Variants in BTBD1 observed in about 807,000 individuals in gnomAD.
BTBD1 encodes the protein BTB/POZ domain-containing protein 1.
BTBD1 carries 34 observed loss-of-function variants against 48.0 expected under a neutral mutation model. That is an observed-to-expected ratio of 0.71 (90% CI 0.54 to 0.94). BTBD1 has a LOEUF of 0.94. BTBD1 is among the 40% of genes least tolerant of loss of function. The probability of loss-of-function intolerance (pLI) is 0.00; values close to 1 mark genes in which losing one functional copy is unlikely to be tolerated. For synonymous variants in BTBD1, 261 were observed against 242.1 expected, an observed-to-expected ratio of 1.08 and a Z score of -0.72; for missense variants, 543 against 625.6, an observed-to-expected ratio of 0.87 and a Z score of 1.41.
chr15:83,056,665 A>G (rs952131080), intron 1 of BTBD1, 120 bp from the exon 2 acceptor site: 110 of 807,386 alleles, frequency 1.4e-4, no homozygotes, highest in Non-Finnish European at 1.8e-4. Flanking sequence ...TCATCCATCC[A>G]TCCACCCACC....
intron 2 of BTBD1, among the ~76,000 whole-genome samples, chr15:83,055,258 C>T (rs185731612): frequency 4.6e-5 from 7 of 152,172 alleles, no homozygotes; most frequent in African/African-American, 1.4e-4. Flanking sequence ...ACTTAGAATA[C>T]GTGTACTTTC....
intron 1 of BTBD1, among the ~76,000 whole-genome samples, chr15:83,058,807 T>C (rs1355247871): frequency 1.3e-5 from 2 of 152,150 alleles, no homozygotes; most frequent in Non-Finnish European, 2.9e-5. Flanking sequence ...GCCGCAAACC[T>C]ATACATGGTT....
intron 1 of BTBD1, among the ~76,000 whole-genome samples, chr15:83,058,062 G>C (rs942469814): frequency 2.6e-4 from 40 of 152,370 alleles, no homozygotes; most frequent in African/African-American, 9.4e-4. Flanking sequence ...CCTGTCCATT[G>C]TCATGGACAG....
chr15:83,062,637 TAATA>T (rs1317049775), intron 1 of BTBD1, among the ~76,000 whole-genome samples: 1 of 152,170 alleles, frequency 6.6e-6, no homozygotes, highest in African/African-American at 2.4e-5. Flanking sequence ...ATATTTTCAT[TAATA>T]ACATGTCCAT....
At chr15:83,025,911 A>G (rs1203629079) in intron 5 of BTBD1, among the ~76,000 whole-genome samples, 3 of 152,044 alleles carry the variant, frequency 2.0e-5, no homozygotes, top group African/African-American at 7.2e-5. Flanking sequence ...CTGGGACTAC[A>G]GGTGCCCACC....
In BTBD1 at chr15:83,055,141, A is replaced by G. The variant is rs143946385; in HGVS notation, c.558+1248T>C. 2.9e-3 allele frequency among the ~76,000 whole-genome samples: 439 copies of G among 152,376 alleles called. 2 individuals carry two copies. The highest frequency in any genetic ancestry group is 9.7e-3 in the African/African-American group (402 of 41,574). ...GAAAAAAACTGTTGATATACAAAGT[A>G]TAAAGCTCAGATTACACACATATAA... is the stretch of plus-strand genomic sequence containing the variant. On this transcript the variant is annotated intron_variant, in intron 2 of 7. Coordinates refer to ENST00000261721, the MANE Select transcript of BTBD1 (RefSeq NM_025238.4).
At chr15:83,062,184 T>G in intron 1 of BTBD1, among the ~76,000 whole-genome samples, 1 of 152,016 alleles carries the variant, frequency 6.6e-6, no homozygotes, top group South Asian at 2.1e-4. Flanking sequence ...ATCCTGTAGG[T>G]AAAAAGAAGT....
Position 83,018,859 on chromosome 15 carries a change from A to G in BTBD1, c.1144-6T>C. The stretch of plus-strand genomic sequence containing the variant: ...TTTTTCTCATATTCAATGATCTGTA[A>G]TTTTTAAGAGACAAGTTACATTTAA... On this transcript the variant is annotated splice_polypyrimidine_tract_variant and splice_region_variant and intron_variant, in intron 6 of 7. Coordinates refer to ENST00000261721, the MANE Select transcript of BTBD1 (RefSeq NM_025238.4). 6.2e-7 allele frequency: 1 copy of G among 1,609,726 alleles called. No homozygotes were observed. The highest frequency in any genetic ancestry group is 8.5e-7 in the Non-Finnish European group (1 of 1,177,520).
chr15:83,058,328 C>T (rs936568599), intron 1 of BTBD1, among the ~76,000 whole-genome samples: 3 of 152,212 alleles, frequency 2.0e-5, no homozygotes, highest in South Asian at 4.1e-4. Flanking sequence ...TCCAACCTCT[C>T]TTTTTCTCTT....
intron 5 of BTBD1, among the ~76,000 whole-genome samples, chr15:83,023,925 T>C (rs2032351381): frequency 6.6e-6 from 1 of 152,210 alleles, no homozygotes; most frequent in Non-Finnish European, 1.5e-5. Flanking sequence ...TGGAGTGCAA[T>C]GGCACGATCT....
chr15:83,036,368 T>G (rs2032631022), intron 4 of BTBD1, among the ~76,000 whole-genome samples: 1 of 152,176 alleles, frequency 6.6e-6, no homozygotes, highest in African/African-American at 2.4e-5. Context: ...ATGAAATACG[T>G]CCTCACATCC....
chr15:83,066,373 C>A (rs2033270237), intron 1 of BTBD1, among the ~76,000 whole-genome samples: 1 of 152,140 alleles, frequency 6.6e-6, no homozygotes, highest in Non-Finnish European at 1.5e-5. Flanking sequence ...CTACTCTCTT[C>A]CCCCAAACAA....
intron 1 of BTBD1, among the ~76,000 whole-genome samples, chr15:83,062,186 A>G (rs1450958914): frequency 6.6e-6 from 1 of 152,208 alleles, no homozygotes; most frequent in Non-Finnish European, 1.5e-5. Context: ...CCTGTAGGTA[A>G]AAAGAAGTCA....
chr15:83,056,325 G>C (rs1474217038), intron 2 of BTBD1, 64 bp downstream of exon 2: 1 of 1,002,376 alleles, frequency 1.0e-6, no homozygotes, highest in African/African-American at 1.6e-5. Flanking sequence ...AATATTAAAT[G>C]CCCATATATA....
chr15:83,025,472 T>G (rs1049187821), intron 5 of BTBD1, among the ~76,000 whole-genome samples: 4 of 151,804 alleles, frequency 2.6e-5, no homozygotes, highest in Non-Finnish European at 5.9e-5. Context: ...TGGAAGACAC[T>G]GTCCTTATTA....
intron 4 of BTBD1, among the ~76,000 whole-genome samples, chr15:83,034,276 T>C (rs551813479): frequency 2.0e-5 from 3 of 152,180 alleles, no homozygotes; most frequent in East Asian, 1.9e-4. Flanking sequence ...GAGAAAGATA[T>C]AGAATTTAAA....
chr15:83,038,600 A>G (rs938852604), intron 4 of BTBD1, among the ~76,000 whole-genome samples: 1 of 152,240 alleles, frequency 6.6e-6, no homozygotes, highest in African/African-American at 2.4e-5. Context: ...AGCAATCCTA[A>G]GCAGAAAGAA....
chr15:83,034,528 T>A (rs2032588252), intron 4 of BTBD1, among the ~76,000 whole-genome samples: 1 of 151,952 alleles, frequency 6.6e-6, no homozygotes, highest in Non-Finnish European at 1.5e-5. Flanking sequence ...GCATGAGAAT[T>A]GCCTGAACCC....
chr15:83,021,063 C>T (rs946694946), intron 5 of BTBD1, among the ~76,000 whole-genome samples: 4 of 152,080 alleles, frequency 2.6e-5, no homozygotes, highest in African/African-American at 7.2e-5. Context: ...TTTTCATGAA[C>T]GCAGACATCT....
Sources: gnomAD v4.1 joint callset for allele counts (sites outside exome capture counted in the v4.1 genomes callset) on GRCh38, gnomAD v4.1.1 for gene constraint, MANE v1.5 for transcripts, NCBI Gene and HGNC (gene_info 2026-07-23, HGNC 2026-07-21) for gene names.